NEK1: variants seen among roughly 807,000 people sequenced by gnomAD.
NEK1 encodes NIMA related kinase 1.
In NEK1, 137 loss-of-function variants were observed where a neutral mutation model predicts 182.1. The observed-to-expected ratio is 0.75, with a 90% confidence interval of 0.65 to 0.87. The LOEUF is 0.87. NEK1 is among the 40% of genes least tolerant of loss of function. The pLI, the probability that NEK1 is intolerant of heterozygous loss-of-function variation, is 0.00. For missense variants in NEK1, 1,391 were observed against 1,494.4 expected (o/e 0.93, Z 1.14); for synonymous variants, 513 against 492.2 (o/e 1.04, Z -0.56).
intron 18 of NEK1, among the ~76,000 whole-genome samples, chr4:169,542,373 G>A (rs1323142559): frequency 1.3e-5 from 2 of 152,204 alleles, no homozygotes; most frequent in African/African-American, 4.8e-5. Context: ...TGGTGTATAT[G>A]TGCCACACTT....
Position 169,426,231 on chromosome 4 carries a change from C to G in NEK1, c.2889G>C (p.Ser963=). The G allele has an allele frequency of 1.2e-6, 2 of 1,612,534 alleles. No individual in the cohort carries two copies. The highest frequency in any genetic ancestry group is 2.2e-5 in the South Asian group (2 of 90,676). ...SEEKETKETQ[S]ADRITIQENE... ...TTTCCTGAATGGTGATCCTATCTGCCGACCTGCCACAGATGGGTACACCAA... is the reference window on the plus strand; with the variant it reads ...TTTCCTGAATGGTGATCCTATCTGCGGACCTGCCACAGATGGGTACACCAA... The change falls in exon 30 of 36, where the codon TCG becomes TCC. Residue 963 remains serine, a synonymous_variant. Transcript: ENST00000507142.
intron 27 of NEK1, among the ~76,000 whole-genome samples, chr4:169,457,928 G>A (rs905757194): frequency 1.3e-5 from 2 of 151,886 alleles, no homozygotes; most frequent in Non-Finnish European, 2.9e-5. Flanking sequence ...ACAATAAAGA[G>A]ATATCTCAAA....
At chr4:169,429,035 T>A (rs985298311) in intron 29 of NEK1, among the ~76,000 whole-genome samples, 4 of 151,438 alleles carry the variant, frequency 2.6e-5, no homozygotes, top group African/African-American at 9.7e-5. Context: ...TAGATGCAAT[T>A]TTTTTTTCAA....
rs1561448393 is a variant in NEK1 at position 169,576,972 on chromosome 4, C to CTCCATATTTCTTATATGCTAAAGGTAT, written c.949_975dup (p.Ile317_Gly325dup). ...GGTTTCTTTTCGTGTAATTTTTTAT[C>CTCCATATTTCTTATATGCTAAAGGTAT]TCCATATTTCTTATATGCTAAAGGT... On this transcript the variant is annotated inframe_insertion, in exon 12 of 36. Transcript: ENST00000507142. 1.2e-6 allele frequency: 2 copies of CTCCATATTTCTTATATGCTAAAGGTAT among 1,611,460 alleles called. No homozygotes were observed. The highest frequency in any genetic ancestry group is 1.7e-6 in the Non-Finnish European group (2 of 1,178,670).
At chr4:169,572,367 G>A (rs1765010158) in intron 12 of NEK1, among the ~76,000 whole-genome samples, 1 of 152,084 alleles carries the variant, frequency 6.6e-6, no homozygotes, top group Non-Finnish European at 1.5e-5. Context: ...CAAATGGAAG[G>A]GCAGAGTTCC....
intron 27 of NEK1, among the ~76,000 whole-genome samples, chr4:169,461,256 G>C (rs912489781): frequency 6.6e-6 from 1 of 152,012 alleles, no homozygotes; most frequent in Non-Finnish European, 1.5e-5. Context: ...ATACTGCCTG[G>C]AATTTCATTC....
intron 19 of NEK1, among the ~76,000 whole-genome samples, chr4:169,536,969 G>A (rs1278145618): frequency 6.6e-6 from 1 of 152,096 alleles, no homozygotes; most frequent in Non-Finnish European, 1.5e-5. Context: ...CTATGACATT[G>A]TTTCAAAGAA....
intron 19 of NEK1, among the ~76,000 whole-genome samples, chr4:169,531,494 CATATATTAT>C (rs971851296): frequency 6.6e-6 from 1 of 150,638 alleles, no homozygotes; most frequent in Non-Finnish European, 1.5e-5. Context: ...ATTATGTATA[CATATATTAT>C]ATATATGTAT....
In NEK1 at chr4:169,555,863, T is replaced by C. The variant is rs1762089849; in HGVS notation, c.1431-12A>G. ...CAGGCAGAATTCCTCTGTAGATAAA[T>C]ATGCACAGTGACTTTCATTACTATC... On this transcript the variant is annotated splice_polypyrimidine_tract_variant and intron_variant, in intron 17 of 35. Transcript: ENST00000507142. 6.2e-7 allele frequency: 1 copy of C among 1,613,860 alleles called. No homozygotes were observed. Among genetic ancestry groups the C allele is most frequent in the Non-Finnish European group, 8.5e-7 (1 of 1,179,800 alleles).
chr4:169,568,213 C>T (rs1764035472), intron 12 of NEK1, among the ~76,000 whole-genome samples: 2 of 152,162 alleles, frequency 1.3e-5, no homozygotes, highest in South Asian at 4.1e-4. Flanking sequence ...AAGATACAAA[C>T]ACTCCCAACT....
At chr4:169,560,268 G>A (rs1390690742) in intron 16 of NEK1, among the ~76,000 whole-genome samples, 3 of 152,166 alleles carry the variant, frequency 2.0e-5, no homozygotes, top group Non-Finnish European at 2.9e-5. Flanking sequence ...AAGTTTACTG[G>A]TTCTTGGCAG....
intron 19 of NEK1, among the ~76,000 whole-genome samples, chr4:169,514,371 T>C (rs1182134250): frequency 2.6e-5 from 4 of 152,176 alleles, no homozygotes; most frequent in Admixed American, 2.0e-4. Flanking sequence ...ATTAGGGTAA[T>C]ACAGTCTCAA....
intron 19 of NEK1, among the ~76,000 whole-genome samples, chr4:169,525,295 ATTT>A (rs1384402437): frequency 6.6e-6 from 1 of 151,818 alleles, no homozygotes; most frequent in Non-Finnish European, 1.5e-5. Context: ...TGCCCAGCTA[ATTT>A]TTTTATTTTT....
rs1181369169 is a variant in NEK1, at chr4:169,433,657, C to T, written c.2773G>A (p.Asp925Asn). The change falls in exon 29 of 36, where the codon GAT becomes AAT. Residue 925 changes from aspartate (D) to asparagine (N), a missense_variant. This residue lies in a region of NEK1 where 1,216 missense variants were observed against 1,277.6 expected (regional missense o/e 0.95). Transcript: ENST00000507142. ...KLEGNLEEPD[D>N]LETEILQEPS... ...TCTTGTAGAATTTCTGTTTCCAAAT[C>T]ATCAGGTTCTGCAAAGGATAAACGT... 6.2e-7 allele frequency: 1 copy of T among 1,613,196 alleles called. No individual in the cohort carries two copies. The highest frequency in any genetic ancestry group is 8.5e-7 in the Non-Finnish European group (1 of 1,179,540).
At chr4:169,592,085 AATAC>A (rs1367494380) in intron 5 of NEK1, among the ~76,000 whole-genome samples, 12 of 152,212 alleles carry the variant, frequency 7.9e-5, no homozygotes, top group Non-Finnish European at 1.6e-4. Flanking sequence ...AAAATGAAAT[AATAC>A]ATACTGTATG....
At chr4:169,523,264 A>G (rs1454273366) in intron 19 of NEK1, among the ~76,000 whole-genome samples, 1 of 152,226 alleles carries the variant, frequency 6.6e-6, no homozygotes, top group East Asian at 1.9e-4. Flanking sequence ...TGCCCCTCAT[A>G]AATTCATATG....
intron 3 of NEK1, 78 bp from the exon 4 acceptor site, chr4:169,602,182 TA>T (rs1770613825): frequency 2.1e-6 from 2 of 949,410 alleles, no homozygotes; most frequent in South Asian, 1.3e-5. Context: ...GGTGAGTGGT[TA>T]AAACATAATA....
At chr4:169,575,597 G>C (rs909465743) in intron 12 of NEK1, among the ~76,000 whole-genome samples, 1 of 152,180 alleles carries the variant, frequency 6.6e-6, no homozygotes, top group Admixed American at 6.5e-5. Flanking sequence ...CACCAGATAA[G>C]TTCCACTGGC....
chr4:169,605,845 A>G (rs1771247695), intron 2 of NEK1, among the ~76,000 whole-genome samples: 3 of 152,180 alleles, frequency 2.0e-5, no homozygotes, highest in African/African-American at 7.2e-5. Context: ...CCTGAAGATA[A>G]GCAACAAGGA....
Sources: allele counts gnomAD v4.1 joint callset (sites outside exome capture counted in the v4.1 genomes callset), GRCh38; gene constraint gnomAD v4.1.1; regional missense constraint gnomAD v4.1.1; transcripts MANE v1.5; gene names NCBI Gene and HGNC (gene_info 2026-07-23, HGNC 2026-07-21).